The following FERMT2 variants were observed in gnomAD, a reference collection of about 807,000 sequenced individuals.
The protein encoded by FERMT2 is fermitin family homolog 2.
Under a neutral mutation model 82.7 loss-of-function variants are expected in FERMT2, and 15 were observed. That is an observed-to-expected ratio of 0.18 (90% CI 0.12 to 0.28). The LOEUF (loss-of-function observed/expected upper bound fraction) is 0.28. Among genes scored for constraint, FERMT2 ranks in the 10% least tolerant of loss-of-function variants. FERMT2 has a pLI of 1.00. For synonymous variants in FERMT2, 274 were observed against 271.5 expected (o/e 1.01, Z -0.09); for missense variants, 645 against 809.4 (o/e 0.80, Z 2.46).
At chr14:52,861,065 G>C in intron 12 of FERMT2, 2 of 1,485,668 alleles carry the variant, frequency 1.3e-6, no homozygotes. Flanking sequence ...AAAGAAAAAG[G>C]AAGCAGAAAG....
intron 4 of FERMT2, chr14:52,881,911 G>T: frequency 3.7e-6 from 2 of 543,952 alleles, no homozygotes; most frequent in African/African-American, 2.0e-5. Flanking sequence ...AAAAGAAAAT[G>T]AGAAAAAGAA....
At chr14:52,939,192 TAAAAAAAAAAAA>T (rs34395615) in intron 2 of FERMT2, among the ~76,000 whole-genome samples, 2 of 86,048 alleles carry the variant, frequency 2.3e-5, no homozygotes, top group African/African-American at 9.1e-5. Context: ...CCATCTCTAC[TAAAAAAAAAAAA>T]AAAAAAAAAA....
chr14:52,913,384 T>C (rs1055956413), intron 3 of FERMT2, among the ~76,000 whole-genome samples: 2 of 152,216 alleles, frequency 1.3e-5, no homozygotes, highest in African/African-American at 4.8e-5. Context: ...ATATGGCTTC[T>C]CTGTCCTTAG....
intron 2 of FERMT2, among the ~76,000 whole-genome samples, chr14:52,938,697 A>T (rs1392496384): frequency 1.3e-5 from 2 of 151,914 alleles, no homozygotes; most frequent in Admixed American, 1.3e-4. Flanking sequence ...CTCCCAAGTA[A>T]CTGAGACCAT....
chr14:52,909,415 A>C (rs983333581), intron 3 of FERMT2, among the ~76,000 whole-genome samples: 4 of 152,228 alleles, frequency 2.6e-5, no homozygotes, highest in Non-Finnish European at 4.4e-5. Flanking sequence ...CAACAAATCC[A>C]GTTCCAGCAA....
In FERMT2 at chr14:52,942,427, C is replaced by G. The variant is rs1034939905; in HGVS notation, c.157+7985G>C. ...ACACCATTCTCCAGCCTCAGCCTCC[C>G]GAGTAGCTGCAACTACAGGCGCCCA... On this transcript the variant is annotated intron_variant, in intron 2 of 14. Coordinates refer to ENST00000341590, the MANE Select transcript of FERMT2 (RefSeq NM_006832.3). 3.3e-5 allele frequency among the ~76,000 whole-genome samples: 5 copies of G among 151,676 alleles called. No homozygotes were observed. In the East Asian group the frequency reaches 9.7e-4, roughly 29 times the overall value.
At chr14:52,923,487 A>G (rs1022850906) in intron 2 of FERMT2, among the ~76,000 whole-genome samples, 3 of 152,170 alleles carry the variant, frequency 2.0e-5, no homozygotes, top group African/African-American at 7.2e-5. Flanking sequence ...TAATGGTACA[A>G]TAAAATCTCA....
chr14:52,919,877 A>C (rs1442367940), intron 2 of FERMT2, among the ~76,000 whole-genome samples: 1 of 152,208 alleles, frequency 6.6e-6, no homozygotes, highest in African/African-American at 2.4e-5. Context: ...GAAAACACCC[A>C]TGAGAAACAC....
At chr14:52,909,301 C>T (rs1484661700) in intron 3 of FERMT2, among the ~76,000 whole-genome samples, 2 of 152,116 alleles carry the variant, frequency 1.3e-5, no homozygotes, top group Admixed American at 6.5e-5. Flanking sequence ...CCCACGTATG[C>T]CTGGAGCTCT....
At chr14:52,889,953 AC>A (rs1886840400) in intron 4 of FERMT2, among the ~76,000 whole-genome samples, 1 of 151,838 alleles carries the variant, frequency 6.6e-6, no homozygotes, top group South Asian at 2.1e-4. Context: ...ACATGGTGAA[AC>A]CCCATTTCTA....
chr14:52,918,932 G>C (rs942892526), intron 3 of FERMT2, among the ~76,000 whole-genome samples, 191 bp downstream of exon 3: 1 of 152,084 alleles, frequency 6.6e-6, no homozygotes, highest in Admixed American at 6.5e-5. Flanking sequence ...ATCTCTACTA[G>C]GTTCTTCCTG....
chr14:52,925,520 T>C (rs370836308), intron 2 of FERMT2, among the ~76,000 whole-genome samples: 7 of 148,292 alleles, frequency 4.7e-5, no homozygotes, highest in African/African-American at 1.5e-4. Flanking sequence ...GACTGTGCCA[T>C]TGCACTCCAG....
At chr14:52,889,649 G>C (rs531556092) in intron 4 of FERMT2, among the ~76,000 whole-genome samples, 1 of 152,308 alleles carries the variant, frequency 6.6e-6, no homozygotes, top group South Asian at 2.1e-4. Flanking sequence ...ACATCATAGA[G>C]TGTACTCATA....
Position 52,950,446 on chromosome 14 carries a change from A to C in FERMT2, c.123T>G (p.Ile41Met), listed in dbSNP as rs777937138. The C allele has an allele frequency of 4.3e-6, 7 of 1,613,894 alleles. No homozygotes were observed. The South Asian group carries it at 5.5e-5, about 13-fold the overall frequency. ...VTLRVTGEVH[I>M]GGVMLKLVEK... ...CCACCAGCTTAAGCATCACGCCTCC[A>C]ATGTGCACCTCGCCGGTCACTCTCA... is the stretch of plus-strand genomic sequence containing the variant. Residue 41 changes from isoleucine to methionine, a missense_variant, in exon 2 of 15, where the codon ATT becomes ATG. Physicochemically the swap from Ile to Met is conservative, Grantham distance 10. Transcript: ENST00000341590.
At position 52,938,434 on chromosome 14, in the gene FERMT2, A is replaced by C. The variant is rs967684137; in HGVS notation, c.157+11978T>G. Among the ~76,000 whole-genome samples the C allele has an allele frequency of 3.3e-5, 5 of 152,370 alleles. No individual in the cohort carries two copies. The East Asian group carries it at 5.8e-4, about 18-fold the overall frequency. On this transcript the variant is annotated intron_variant, in intron 2 of 14. Coordinates refer to ENST00000341590, the MANE Select transcript of FERMT2 (RefSeq NM_006832.3). ...CCTTTAAATACCATATTTAGTCAATACATTAGCCCCCAAAACAAGTAAACT... is the reference window on the plus strand; with the variant it reads ...CCTTTAAATACCATATTTAGTCAATCCATTAGCCCCCAAAACAAGTAAACT...
chr14:52,895,589 T>A (rs1378716861), intron 3 of FERMT2, among the ~76,000 whole-genome samples: 3 of 152,228 alleles, frequency 2.0e-5, no homozygotes. Context: ...AAAGAGTATA[T>A]GTGATTCCAT....
intron 3 of FERMT2, 35 bp from the exon 4 acceptor site, chr14:52,893,462 G>C (rs777288733): frequency 6.7e-7 from 1 of 1,495,702 alleles, no homozygotes; most frequent in Non-Finnish European, 9.1e-7. Flanking sequence ...CTAGAACAAA[G>C]GAAAATTTAA....
intron 10 of FERMT2, among the ~76,000 whole-genome samples, chr14:52,868,091 T>G (rs1885396363): frequency 6.6e-6 from 1 of 152,228 alleles, no homozygotes; most frequent in Admixed American, 6.5e-5. Flanking sequence ...TTTTATCATC[T>G]AATGTCTGCC....
At chr14:52,910,030 C>G (rs1888226759) in intron 3 of FERMT2, among the ~76,000 whole-genome samples, 1 of 151,924 alleles carries the variant, frequency 6.6e-6, no homozygotes, top group South Asian at 2.1e-4. Flanking sequence ...TCCAGCCTGG[C>G]GACAGAGCGA....
Sources: gnomAD v4.1 joint callset for allele counts (sites outside exome capture counted in the v4.1 genomes callset) on GRCh38, gnomAD v4.1.1 for gene constraint, MANE v1.5 for transcripts, NCBI Gene and HGNC (gene_info 2026-07-23, HGNC 2026-07-21) for gene names.